The following LARP7 variants were observed in gnomAD, a reference collection of about 807,000 sequenced individuals.
LARP7 encodes La ribonucleoprotein 7, transcriptional regulator, also known as la-related protein 7.
LARP7 carries 52 observed loss-of-function variants against 69.3 expected under a neutral mutation model. The ratio of observed to expected loss-of-function variants is 0.75; its 90% CI spans 0.60 to 0.95. The LOEUF (loss-of-function observed/expected upper bound fraction) is 0.95, where lower values mean the gene tolerates loss of function less well. Among genes scored for constraint, LARP7 ranks in the 40% least tolerant of loss-of-function variants. The pLI is 0.00. For synonymous variants in LARP7, 254 were observed against 215.9 expected, an observed-to-expected ratio of 1.18 and a Z score of -1.55; for missense variants, 733 against 673.0, an observed-to-expected ratio of 1.09 and a Z score of -0.99.
At chr4:112,648,555 A>G (rs1199893442) in intron 8 of LARP7, 2 of 523,816 alleles carry the variant, frequency 3.8e-6, no homozygotes, top group Admixed American at 4.0e-5. Context: ...AGTTGAAGGG[A>G]GCCCACCCAA....
In LARP7 at chr4:112,647,250, A is replaced by G. The variant is rs1416134291; in HGVS notation, c.698A>G (p.Asn233Ser). The G allele has an allele frequency of 6.2e-7, 1 of 1,608,090 alleles. No homozygotes were observed. The highest frequency in any genetic ancestry group is 1.1e-5 in the South Asian group (1 of 89,690). ...AAAGGCCGAATGAAAAAGGAAGACA[A>G]TATCCAAGCCAAAGAAGAAAACATG... ...KKKGRMKKED[N>S]IQAKEENMDT... Residue 233 changes from asparagine (N) to serine (S), a missense_variant, in exon 7 of 13, where the codon AAT becomes AGT. Physicochemically the swap from Asn to Ser is conservative, Grantham distance 46. Transcript: ENST00000344442.
chr4:112,648,321 A>G, intron 8 of LARP7: 1 of 529,326 alleles, frequency 1.9e-6, no homozygotes, highest in Non-Finnish European at 3.9e-6. Context: ...AAACACAATA[A>G]CAAAAAAATT....
chr4:112,642,842 G>C (rs757428858), intron 1 of LARP7, among the ~76,000 whole-genome samples: 4 of 152,194 alleles, frequency 2.6e-5, no homozygotes, highest in Non-Finnish European at 1.5e-5. Context: ...TGGTCACGTA[G>C]GCATAAGGCC....
intron 12 of LARP7, among the ~76,000 whole-genome samples, chr4:112,656,430 C>T (rs2048957782): frequency 6.6e-6 from 1 of 151,908 alleles, no homozygotes; most frequent in South Asian, 2.1e-4. Flanking sequence ...ATATTAAACA[C>T]AAGTAAATTA....
chr4:112,642,342 C>T (rs1199719383), intron 1 of LARP7, among the ~76,000 whole-genome samples: 1 of 152,146 alleles, frequency 6.6e-6, no homozygotes, highest in Non-Finnish European at 1.5e-5. Flanking sequence ...GCTAGCATCA[C>T]CTAAATATAT....
At chr4:112,650,662 A>C in intron 10 of LARP7, 80 bp downstream of exon 10, 4 of 1,391,524 alleles carry the variant, frequency 2.9e-6, no homozygotes, top group Non-Finnish European at 3.9e-6. Context: ...TGAATATGGA[A>C]GATAAAACAA....
chr4:112,653,733 C>T (rs2048850390), intron 11 of LARP7, among the ~76,000 whole-genome samples: 1 of 152,156 alleles, frequency 6.6e-6, no homozygotes, highest in Admixed American at 6.5e-5. Context: ...AGGTGATCTG[C>T]CTGCCTTGGC....
intron 11 of LARP7, 75 bp downstream of exon 11, chr4:112,653,311 T>A: frequency 7.9e-7 from 1 of 1,261,890 alleles, no homozygotes; most frequent in Non-Finnish European, 1.1e-6. Flanking sequence ...TGAGTTTGGC[T>A]AATGAAACTA....
chr4:112,647,635 T>G, intron 7 of LARP7, 55 bp from the exon 8 acceptor site: 2 of 1,495,798 alleles, frequency 1.3e-6, no homozygotes, highest in Non-Finnish European at 1.8e-6. Flanking sequence ...TGGCTTCTGT[T>G]TCACCCATTT....
intron 1 of LARP7, among the ~76,000 whole-genome samples, chr4:112,642,193 T>TA (rs2047991018): frequency 6.6e-6 from 1 of 152,212 alleles, no homozygotes; most frequent in Admixed American, 6.5e-5. Flanking sequence ...GCAGTTTCTC[T>TA]AGAATGGTGA....
At position 112,653,252 on chromosome 4, in the gene LARP7, C is replaced by A. The variant is rs536933612; in HGVS notation, c.1576+16C>A. The A allele has an allele frequency of 9.7e-6, 15 of 1,553,742 alleles. No homozygotes were observed. Among genetic ancestry groups the A allele is most frequent in the Non-Finnish European group, 1.3e-5 (15 of 1,156,266 alleles). ...ATCCTTTCTGGTAAAACTTCATAGA[C>A]GTTTCCTTTTTTTTTTGTTATCATC... is the stretch of plus-strand genomic sequence containing the variant. On this transcript the variant is annotated intron_variant, in intron 11 of 12. Coordinates refer to ENST00000344442, the MANE Select transcript of LARP7 (RefSeq NM_016648.4).
intron 8 of LARP7, chr4:112,648,045 G>C (rs1225148979): frequency 1.1e-5 from 7 of 652,146 alleles, no homozygotes; most frequent in Admixed American, 1.8e-5. Context: ...TCATGTCACA[G>C]CAAGTGCCTC....
In LARP7 at chr4:112,654,030, C is replaced by G. The variant is rs756236828; in HGVS notation, c.1577-38C>G. The G allele has an allele frequency of 4.2e-6, 6 of 1,435,300 alleles. No individual in the cohort carries two copies. The South Asian group carries it at 6.9e-5, about 17-fold the overall frequency. The allele number at this position is 1,435,300 out of a possible 1,614,324, so 88.9% of individuals were successfully genotyped here. A position where few individuals can be genotyped will look rare whatever the true frequency, so the allele number is the denominator to read the frequency against. ...TTGAATATGGTTTTTCAGATATGTT[C>G]TTCTTTTCATCCATCAGAGTCTTTG... On this transcript the variant is annotated intron_variant, in intron 11 of 12. Transcript: ENST00000344442.
At chr4:112,649,877 C>T in intron 9 of LARP7, 191 bp downstream of exon 9, 1 of 382,188 alleles carries the variant, frequency 2.6e-6, no homozygotes, top group Non-Finnish European at 4.7e-6. Flanking sequence ...TTAAAAGGCT[C>T]ATTTAAAACA....
At chr4:112,652,701 C>CT (rs58242050) in intron 10 of LARP7, among the ~76,000 whole-genome samples, 130 of 139,602 alleles carry the variant, frequency 9.3e-4, no homozygotes, top group East Asian at 4.6e-3. Flanking sequence ...TCCCTTAATC[C>CT]TTTTTTTTTT....
Position 112,647,446 on chromosome 4 carries a change from C to T in LARP7, c.894C>T (p.Ser298=), listed in dbSNP as rs1434297320. Residue 298 remains serine, a synonymous_variant, in exon 7 of 13, where the codon AGC becomes AGT. Transcript: ENST00000344442. ...PEVRTGKRKR[S]SSEDAESLAP... Reference sequence around the variant, plus strand: ...TCAGAACAGGGAAGAGGAAGAGAAGCAGCTCTGAAGATGCAGAATCCCTAG... The same window carrying T: ...TCAGAACAGGGAAGAGGAAGAGAAGTAGCTCTGAAGATGCAGAATCCCTAG... The T allele has an allele frequency of 6.2e-7, 1 of 1,614,024 alleles. No homozygotes were observed. The highest frequency in any genetic ancestry group is 1.3e-5 in the African/African-American group (1 of 75,012).
Position 112,646,497 on chromosome 4 carries a change from A to G in LARP7, c.303+46A>G, listed in dbSNP as rs557181131. 1.2e-3 allele frequency: 1,566 copies of G among 1,316,042 alleles called. 6 individuals are homozygous for G. Among genetic ancestry groups the G allele is most frequent in the Non-Finnish European group, 1.5e-3 (1,381 of 948,768 alleles). 81.5% of individuals were successfully genotyped at this position (1,316,042 alleles called of 1,614,324 possible). On this transcript the variant is annotated intron_variant, in intron 3 of 12. Coordinates refer to ENST00000344442, the MANE Select transcript of LARP7 (RefSeq NM_016648.4). ...CTGTTTATATTTATAGTTTATAATT[A>G]TAAAGAATGTTAACGTAATGATTAT... is the stretch of plus-strand genomic sequence containing the variant.
At chr4:112,648,931 AAAAAAG>A (rs1344244215) in intron 8 of LARP7, among the ~76,000 whole-genome samples, 117 of 151,338 alleles carry the variant, frequency 7.7e-4, no homozygotes, top group African/African-American at 2.4e-3. Flanking sequence ...TCTTAAAAAA[AAAAAAG>A]AAAAAGAAAA....
In LARP7 at chr4:112,646,927, C is replaced by T; in HGVS notation, c.524C>T (p.Thr175Ile). ...GGATTTGCGTTTGTGGAATTTGAAA[C>T]AAAAGAACAAGCAGCAAAAGCAATT... ...PKGFAFVEFE[T>I]KEQAAKAIEF... The change falls in exon 5 of 13, where the codon ACA becomes ATA. Residue 175 changes from threonine to isoleucine, a missense_variant. Physicochemically the swap from Thr to Ile is moderately conservative, Grantham distance 89. Coordinates refer to ENST00000344442, the MANE Select transcript of LARP7 (RefSeq NM_016648.4). The T allele has an allele frequency of 6.3e-7, 1 of 1,596,320 alleles. No homozygotes were observed. The highest frequency in any genetic ancestry group is 1.1e-5 in the South Asian group (1 of 88,290).
Sources: allele counts gnomAD v4.1 joint callset (sites outside exome capture counted in the v4.1 genomes callset), GRCh38; gene constraint gnomAD v4.1.1; transcripts MANE v1.5; gene names NCBI Gene and HGNC (gene_info 2026-07-23, HGNC 2026-07-21).